PSMB3: variants seen among roughly 807,000 people sequenced by gnomAD.
PSMB3 encodes proteasome 20S subunit beta 3.
Under a neutral mutation model 23.3 loss-of-function variants are expected in PSMB3, and 5 were observed. The ratio of observed to expected loss-of-function variants is 0.21; its 90% CI spans 0.11 to 0.45. The LOEUF (loss-of-function observed/expected upper bound fraction) is 0.45. Ranked by LOEUF, PSMB3 falls within the 20% of genes least tolerant of loss-of-function variation. PSMB3 has a pLI of 0.99. For synonymous variants in PSMB3, 85 were observed against 99.8 expected (o/e 0.85, Z 0.88); for missense variants, 192 against 277.9 (o/e 0.69, Z 2.20).
chr17:38,759,795 C>T (rs964882511), intron 3 of PSMB3, among the ~76,000 whole-genome samples: 2 of 152,136 alleles, frequency 1.3e-5, no homozygotes, highest in African/African-American at 4.8e-5. Context: ...GATCCACCCA[C>T]CTCGGCCTCC....
intron 2 of PSMB3, among the ~76,000 whole-genome samples, chr17:38,754,779 C>G (rs1038990099): frequency 2.0e-5 from 3 of 152,158 alleles, no homozygotes; most frequent in African/African-American, 7.2e-5. Context: ...AGATGAAGCT[C>G]AAGTCATTTC....
intron 4 of PSMB3, among the ~76,000 whole-genome samples, chr17:38,761,651 G>T (rs563867801): frequency 3.9e-5 from 6 of 152,176 alleles, no homozygotes; most frequent in Non-Finnish European, 5.9e-5. Flanking sequence ...CTCAGTGACT[G>T]GAGAGCTGAG....
At position 38,753,130 on chromosome 17, in the gene PSMB3, C is replaced by T. The variant is rs778928461; in HGVS notation, c.4-20C>T. The T allele has an allele frequency of 3.7e-6, 6 of 1,601,390 alleles. No homozygotes were observed. Among genetic ancestry groups the T allele is most frequent in the African/African-American group, 1.3e-5 (1 of 74,658 alleles). ...AGCGTTTGACCCCCCGCGCTGACCC[C>T]TCCGCTCTGTCTGTCCTAGTCTATT... On this transcript the variant is annotated intron_variant, in intron 1 of 5. Transcript: ENST00000619426.
chr17:38,763,868 T>A (rs1268980283), intron 5 of PSMB3, among the ~76,000 whole-genome samples: 1 of 152,224 alleles, frequency 6.6e-6, no homozygotes, highest in Non-Finnish European at 1.5e-5. Context: ...AAAGCCTCCC[T>A]GAGGTGGTTC....
At chr17:38,753,447 G>A in intron 2 of PSMB3, 113 bp downstream of exon 2, 1 of 1,124,956 alleles carries the variant, frequency 8.9e-7, no homozygotes. Context: ...GTGAGTTTGA[G>A]ACTTTGCCGC....
chr17:38,757,399 A>G (rs551853651), intron 3 of PSMB3, among the ~76,000 whole-genome samples: 1 of 151,802 alleles, frequency 6.6e-6, no homozygotes, highest in East Asian at 2.0e-4. Flanking sequence ...CACGCCTGTA[A>G]TCCCAGCCAC....
rs749453155 is a variant in PSMB3, at chr17:38,752,803, G to C, written c.-24G>C. 24 of 1,614,030 alleles carry C rather than the reference G, an allele frequency of 1.5e-5. No homozygotes were observed. The highest frequency in any genetic ancestry group is 1.7e-6 in the Non-Finnish European group (2 of 1,179,988). ...GTTTACTGGAATTGCTCTGGCGATC[G>C]AGGGATCCTAGTACACCGCAATCAT... On this transcript the variant is annotated 5_prime_UTR_variant, in exon 1 of 6. Transcript: ENST00000619426. This position sits in a 1 kb window ranked among gnomAD's most constrained non-coding sequence, Gnocchi z 5.5.
At chr17:38,755,681 T>TGG (rs1908156007) in intron 2 of PSMB3, among the ~76,000 whole-genome samples, 1 of 124,492 alleles carries the variant, frequency 8.0e-6, no homozygotes, top group Non-Finnish European at 1.6e-5. Context: ...TATATATATA[T>TGG]ATGTGTGTGT....
rs756997039 is a variant in PSMB3, at chr17:38,762,413, T to C, written c.477T>C (p.Asp159=). ...MCESLWEPNM[D]PDHLFETISQ... ...AAGGGGTTCCACTCTGTTGGCAGGA[T>C]CCGGATCACCTGTTTGAAACCATCT... is the stretch of plus-strand genomic sequence containing the variant. The change falls in exon 5 of 6, where the codon GAT becomes GAC. Residue 159 remains aspartate (D), a splice_region_variant and synonymous_variant. Coordinates refer to ENST00000619426, the MANE Select transcript of PSMB3 (RefSeq NM_002795.4). 6.2e-7 allele frequency: 1 copy of C among 1,613,934 alleles called. No homozygotes were observed. Among genetic ancestry groups the C allele is most frequent in the Non-Finnish European group, 8.5e-7 (1 of 1,179,828 alleles).
At chr17:38,762,152 A>G in intron 4 of PSMB3, 1 of 459,812 alleles carries the variant, frequency 2.2e-6, no homozygotes, top group East Asian at 3.6e-5. Flanking sequence ...AGAGAGACAT[A>G]CTATTTGCCC....
At chr17:38,761,380 A>G (rs1908433404) in intron 4 of PSMB3, among the ~76,000 whole-genome samples, 1 of 150,846 alleles carries the variant, frequency 6.6e-6, no homozygotes, top group African/African-American at 2.5e-5. Context: ...GTGCTGAGGA[A>G]AACAAATGAG....
intron 1 of PSMB3, 24 bp from the exon 2 acceptor site, chr17:38,753,126 A>G: frequency 1.9e-6 from 3 of 1,590,386 alleles, no homozygotes; most frequent in Non-Finnish European, 2.6e-6. Context: ...CCCCGCGCTG[A>G]CCCCTCCGCT....
chr17:38,755,750 C>A, intron 2 of PSMB3, 133 bp from the exon 3 acceptor site: 1 of 605,014 alleles, frequency 1.7e-6, no homozygotes, highest in Non-Finnish European at 2.9e-6. Flanking sequence ...TACTTCCTAA[C>A]ACATGTAAGA....
chr17:38,753,480 T>G, intron 2 of PSMB3, 146 bp downstream of exon 2: 4 of 767,864 alleles, frequency 5.2e-6, no homozygotes, highest in East Asian at 3.0e-5. Flanking sequence ...TGTCCTTCCC[T>G]TTCTTTTTTT....
At chr17:38,758,387 T>C (rs1379423304) in intron 3 of PSMB3, among the ~76,000 whole-genome samples, 1 of 152,172 alleles carries the variant, frequency 6.6e-6, no homozygotes, top group Non-Finnish European at 1.5e-5. Context: ...TCGCCCAGGC[T>C]GGAGTGCAGT....
chr17:38,752,810 C>T lies in PSMB3; in HGVS notation c.-17C>T, dbSNP rs1162699671. 1 of 1,614,052 alleles carries T rather than the reference C, an allele frequency of 6.2e-7. No individual in the cohort carries two copies. The highest frequency in any genetic ancestry group is 8.5e-7 in the Non-Finnish European group (1 of 1,180,004). On this transcript the variant is annotated 5_prime_UTR_variant, in exon 1 of 6. Coordinates refer to ENST00000619426, the MANE Select transcript of PSMB3 (RefSeq NM_002795.4). This position sits in a 1 kb window ranked among gnomAD's most constrained non-coding sequence, Gnocchi z 5.5. ...GGAATTGCTCTGGCGATCGAGGGAT[C>T]CTAGTACACCGCAATCATGGTGAGA... is the stretch of plus-strand genomic sequence containing the variant.
At chr17:38,758,250 A>G (rs1366896172) in intron 3 of PSMB3, among the ~76,000 whole-genome samples, 2 of 152,208 alleles carry the variant, frequency 1.3e-5, no homozygotes, top group Non-Finnish European at 2.9e-5. Flanking sequence ...CGTCAATAGT[A>G]GCTAAGAATC....
chr17:38,755,830 A>T, intron 2 of PSMB3, 53 bp from the exon 3 acceptor site: 5 of 1,457,476 alleles, frequency 3.4e-6, no homozygotes, highest in Non-Finnish European at 4.8e-6. Context: ...AACAGGGTAG[A>T]CACTCAGGAA....
intron 3 of PSMB3, among the ~76,000 whole-genome samples, chr17:38,757,611 T>C (rs1395928064): frequency 3.3e-5 from 5 of 151,276 alleles, no homozygotes; most frequent in Non-Finnish European, 7.4e-5. Context: ...GGTCAGGAGA[T>C]CAAGACCATC....
Sources: allele counts gnomAD v4.1 joint callset (sites outside exome capture counted in the v4.1 genomes callset), GRCh38; gene constraint gnomAD v4.1.1; non-coding constraint Gnocchi (gnomAD v3.1); transcripts MANE v1.5; gene names NCBI Gene and HGNC (gene_info 2026-07-23, HGNC 2026-07-21).